Variants in EPB41L4A observed in about 807,000 individuals in gnomAD.
The protein encoded by EPB41L4A is band 4.1-like protein 4A.
EPB41L4A carries 100 observed loss-of-function variants against 108.6 expected under a neutral mutation model. The ratio of observed to expected loss-of-function variants is 0.92; its 90% CI spans 0.78 to 1.09. The LOEUF (loss-of-function observed/expected upper bound fraction) is 1.09, where lower values mean the gene tolerates loss of function less well. Among genes scored for constraint, EPB41L4A ranks in the 50% least tolerant of loss-of-function variants. The pLI, the probability that EPB41L4A is intolerant of heterozygous loss-of-function variation, is 0.00. For missense variants in EPB41L4A, 1,030 were observed against 842.7 expected, an observed-to-expected ratio of 1.22 and a Z score of -2.75; for synonymous variants, 319 against 289.0, an observed-to-expected ratio of 1.10 and a Z score of -1.05.
chr5:112,222,928 C>A (rs1442613715), intron 12 of EPB41L4A, among the ~76,000 whole-genome samples: 1 of 144,198 alleles, frequency 6.9e-6, no homozygotes, highest in Non-Finnish European at 1.5e-5. Flanking sequence ...GCACCTGCTC[C>A]ACAAGTGAAA....
chr5:112,404,561 A>G (rs1433135803), intron 1 of EPB41L4A, among the ~76,000 whole-genome samples: 1 of 152,204 alleles, frequency 6.6e-6, no homozygotes, highest in East Asian at 1.9e-4. Flanking sequence ...ACATTAAGTG[A>G]CTTCTCCAAG....
At chr5:112,403,154 C>A (rs190116179) in intron 1 of EPB41L4A, among the ~76,000 whole-genome samples, 1 of 152,194 alleles carries the variant, frequency 6.6e-6, no homozygotes, top group Admixed American at 6.5e-5. Context: ...CACTGTCAAC[C>A]TGGAGGCTGG....
At chr5:112,382,205 T>G (rs564045055) in intron 1 of EPB41L4A, among the ~76,000 whole-genome samples, 1 of 152,204 alleles carries the variant, frequency 6.6e-6, no homozygotes, top group South Asian at 2.1e-4. Context: ...TTAACCACAA[T>G]CTAAACATAT....
intron 1 of EPB41L4A, among the ~76,000 whole-genome samples, chr5:112,381,701 G>C (rs1236813408): frequency 6.6e-6 from 1 of 152,242 alleles, no homozygotes; most frequent in African/African-American, 2.4e-5. Context: ...ATGCTGCCTT[G>C]ACACTGCCAA....
intron 7 of EPB41L4A, among the ~76,000 whole-genome samples, chr5:112,260,858 C>T (rs1419814925): frequency 6.6e-6 from 1 of 152,198 alleles, no homozygotes; most frequent in Non-Finnish European, 1.5e-5. Flanking sequence ...TGGAGGAATA[C>T]CTGCCAATGC....
chr5:112,410,970 T>A (rs1455563889), intron 1 of EPB41L4A, among the ~76,000 whole-genome samples: 1 of 152,158 alleles, frequency 6.6e-6, no homozygotes, highest in Non-Finnish European at 1.5e-5. Flanking sequence ...GACCTTGATG[T>A]CACTGACCCG....
At chr5:112,329,228 T>C (rs885137) in intron 1 of EPB41L4A, among the ~76,000 whole-genome samples, 71,136 of 152,168 alleles carry the variant, frequency 0.47, 18,213 homozygotes, top group South Asian at 0.61. Context: ...TTAGATATAT[T>C]GAATTAAATA....
chr5:112,283,943 C>T (rs562175241), intron 2 of EPB41L4A, among the ~76,000 whole-genome samples: 5 of 152,140 alleles, frequency 3.3e-5, no homozygotes, highest in Non-Finnish European at 7.4e-5. Flanking sequence ...TTCAAAAAAA[C>T]TTTCTCAAAA....
chr5:112,291,342 G>A (rs1373120359), intron 2 of EPB41L4A, among the ~76,000 whole-genome samples: 1 of 152,080 alleles, frequency 6.6e-6, no homozygotes, highest in Non-Finnish European at 1.5e-5. Context: ...TGTTCCTCCT[G>A]CCTGCCATGC....
intron 12 of EPB41L4A, among the ~76,000 whole-genome samples, chr5:112,152,597 T>C (rs1227752146): frequency 6.6e-6 from 1 of 152,176 alleles, no homozygotes; most frequent in Non-Finnish European, 1.5e-5. Flanking sequence ...GGCACCTTAA[T>C]CTCAGATTTT....
At chr5:112,403,100 C>T (rs2112761310) in intron 1 of EPB41L4A, among the ~76,000 whole-genome samples, 1 of 151,764 alleles carries the variant, frequency 6.6e-6, no homozygotes, top group Non-Finnish European at 1.5e-5. Flanking sequence ...CTAGTTTTTT[C>T]ACCCCCATTC....
At chr5:112,196,635 T>G (rs942609169) in intron 15 of EPB41L4A, 1 of 151,992 alleles carries the variant, frequency 6.6e-6, no homozygotes, top group African/African-American at 2.4e-5. Flanking sequence ...GTTCCTCAAC[T>G]CTGTTTTTCA....
rs1336291159 is a variant in EPB41L4A, at chr5:112,307,375, A to G, written c.204+11T>C. 1.3e-6 allele frequency: 2 copies of G among 1,572,346 alleles called. No homozygotes were observed. The highest frequency in any genetic ancestry group is 1.1e-5 in the South Asian group (1 of 89,572). ...AACCAGAAAAATTTAACACAAAGTC[A>G]CCTTACTCACCGTCTGATGGCTTCT... On this transcript the variant is annotated intron_variant, in intron 2 of 22. Coordinates refer to ENST00000261486, the MANE Select transcript of EPB41L4A (RefSeq NM_022140.5).
intron 12 of EPB41L4A, among the ~76,000 whole-genome samples, chr5:112,221,505 C>A (rs1488713665): frequency 6.6e-6 from 1 of 152,178 alleles, no homozygotes; most frequent in Non-Finnish European, 1.5e-5. Flanking sequence ...AATGGGAACA[C>A]CACTAACTAC....
At chr5:112,395,844 C>G (rs1292447013) in intron 1 of EPB41L4A, among the ~76,000 whole-genome samples, 1 of 152,134 alleles carries the variant, frequency 6.6e-6, no homozygotes, top group African/African-American at 2.4e-5. Flanking sequence ...TGGAACCAAC[C>G]CAAATGTCCA....
chr5:112,145,094 A>C (rs1759200598), intron 13 of EPB41L4A, among the ~76,000 whole-genome samples: 1 of 152,240 alleles, frequency 6.6e-6, no homozygotes, highest in Non-Finnish European at 1.5e-5. Flanking sequence ...GTTTGAGACC[A>C]GCCTGGCCAA....
intron 18 of EPB41L4A, among the ~76,000 whole-genome samples, chr5:112,171,697 T>C (rs1760590407): frequency 6.6e-6 from 1 of 152,248 alleles, no homozygotes; most frequent in South Asian, 2.1e-4. Flanking sequence ...GTTTGTACTC[T>C]CTGTAGTATC....
At position 112,339,542 on chromosome 5, in the gene EPB41L4A, AT is replaced by A. The variant is rs60186031; in HGVS notation, c.100-32053del. ...TAGATATATATCTATATATATATATATTTTTTTTTTAGACAGAGTCTCATTC... is the reference window on the plus strand; with the variant it reads ...TAGATATATATCTATATATATATATATTTTTTTTTAGACAGAGTCTCATTC... On this transcript the variant is annotated intron_variant, in intron 1 of 22. Transcript: ENST00000261486. Among the ~76,000 whole-genome samples, 44 of 110,670 alleles carry A rather than the reference AT, an allele frequency of 4.0e-4. 1 individual carries two copies. The Admixed American group carries it at 5.2e-3, about 13-fold the overall frequency. 72.6% of individuals were successfully genotyped at this position (110,670 alleles called of 152,430 possible).
chr5:112,360,375 C>T (rs1758642505), intron 1 of EPB41L4A, among the ~76,000 whole-genome samples: 1 of 152,242 alleles, frequency 6.6e-6, no homozygotes, highest in Non-Finnish European at 1.5e-5. Context: ...ACCTCCCTGC[C>T]TGATTCTCCT....
Sources: allele counts gnomAD v4.1 joint callset (sites outside exome capture counted in the v4.1 genomes callset), GRCh38; gene constraint gnomAD v4.1.1; transcripts MANE v1.5; gene names NCBI Gene and HGNC (gene_info 2026-07-23, HGNC 2026-07-21).